The following BLZF1 variants were observed in gnomAD, a reference collection of about 807,000 sequenced individuals.
BLZF1 encodes the protein golgin-45.
Under a neutral mutation model 43.8 loss-of-function variants are expected in BLZF1, and 39 were observed. The ratio of observed to expected loss-of-function variants is 0.89; its 90% CI spans 0.69 to 1.16. The LOEUF is 1.16. BLZF1 is among the 50% of genes most tolerant of loss of function. The probability of loss-of-function intolerance (pLI) is 0.00; values close to 1 mark genes in which losing one functional copy is unlikely to be tolerated. For synonymous variants in BLZF1, 136 were observed against 159.4 expected, an observed-to-expected ratio of 0.85 and a Z score of 1.11; for missense variants, 449 against 469.8, an observed-to-expected ratio of 0.96 and a Z score of 0.41.
chr1:169,383,543 C>T (rs1654585250), intron 6 of BLZF1, among the ~76,000 whole-genome samples: 1 of 152,182 alleles, frequency 6.6e-6, no homozygotes, highest in African/African-American at 2.4e-5. Flanking sequence ...TTCCTCAATT[C>T]CTACCGTCAC....
chr1:169,386,782 AT>A (rs35976841), intron 6 of BLZF1, among the ~76,000 whole-genome samples: 4,905 of 152,240 alleles, frequency 0.032, 141 homozygotes, highest in Non-Finnish European at 0.048. Context: ...ATTTAAAAAA[AT>A]ATGTAACCTA....
intron 4 of BLZF1, among the ~76,000 whole-genome samples, chr1:169,379,507 T>C (rs1176583027): frequency 3.3e-5 from 5 of 152,016 alleles, no homozygotes; most frequent in Admixed American, 2.0e-4. Context: ...GAATATATTG[T>C]ACAAATTTTT....
At chr1:169,392,152 T>C (rs1018469881), downstream of BLZF1, among the ~76,000 whole-genome samples, 1 of 151,954 alleles carries the variant, frequency 6.6e-6, no homozygotes, top group Non-Finnish European at 1.5e-5. Flanking sequence ...GACTGTATTA[T>C]TAAGATGGCA....
chr1:169,393,248 G>A (rs1203665511), downstream of BLZF1, among the ~76,000 whole-genome samples: 1 of 151,316 alleles, frequency 6.6e-6, no homozygotes, highest in Non-Finnish European at 1.5e-5. Context: ...GAAAAAGTTT[G>A]TTTTTTCTTA....
intron 4 of BLZF1, 123 bp from the exon 5 acceptor site, chr1:169,380,358 G>A: frequency 2.5e-6 from 2 of 806,664 alleles, no homozygotes; most frequent in Non-Finnish European, 3.5e-6. Context: ...TAAAAACTGT[G>A]AAGTAACTAT....
chr1:169,395,694 A>G (rs1403053784), intron 7 of BLZF1, among the ~76,000 whole-genome samples: 1 of 152,238 alleles, frequency 6.6e-6, no homozygotes, highest in Non-Finnish European at 1.5e-5. Context: ...AAAGTAAGCC[A>G]AACATGAAAA....
chr1:169,380,235 A>T (rs1443418812), intron 4 of BLZF1, among the ~76,000 whole-genome samples: 1 of 152,014 alleles, frequency 6.6e-6, no homozygotes, highest in African/African-American at 2.4e-5. Context: ...AAGTCATTAT[A>T]TAGGAAAGTT....
chr1:169,378,674 C>T (rs977754385), intron 4 of BLZF1, 145 bp downstream of exon 4: 19 of 691,944 alleles, frequency 2.7e-5, no homozygotes, highest in Non-Finnish European at 4.1e-5. Context: ...ACTCTCTCTC[C>T]TCTGGATAGT....
At chr1:169,373,329 G>A (rs1654186297) in intron 2 of BLZF1, among the ~76,000 whole-genome samples, 1 of 152,152 alleles carries the variant, frequency 6.6e-6, no homozygotes, top group African/African-American at 2.4e-5. Context: ...AATAAGGATT[G>A]GTGTTTTTCT....
rs1517748 is a variant in BLZF1 at position 169,368,615 on chromosome 1, G to C, written c.-51+273G>C. Among the ~76,000 whole-genome samples, 6 of 152,126 alleles carry C rather than the reference G, an allele frequency of 3.9e-5. No individual in the cohort carries two copies. In the South Asian group the frequency reaches 1.0e-3, roughly 26 times the overall value. Reference sequence around the variant, plus strand: ...GCATTTGCCAGCAGGCACTCGCTGTGCCTGTACGTTTCGCAGAGCAGCTAT... The same window carrying C: ...GCATTTGCCAGCAGGCACTCGCTGTCCCTGTACGTTTCGCAGAGCAGCTAT... On this transcript the variant is annotated intron_variant, in intron 1 of 6. Transcript: ENST00000367808.
chr1:169,383,763 A>G (rs1654592440), intron 6 of BLZF1, among the ~76,000 whole-genome samples: 1 of 151,946 alleles, frequency 6.6e-6, no homozygotes, highest in Admixed American at 6.6e-5. Context: ...GTTTCATAGG[A>G]ATCTGTGTTC....
chr1:169,388,907 G>C (rs1027160539), downstream of BLZF1, among the ~76,000 whole-genome samples: 1 of 152,014 alleles, frequency 6.6e-6, no homozygotes, highest in Non-Finnish European at 1.5e-5. Context: ...GGTCACCTGA[G>C]GTTAGGAGTT....
At chr1:169,395,177 A>G (rs921837909) in intron 7 of BLZF1, 1 of 1,611,844 alleles carries the variant, frequency 6.2e-7, no homozygotes, top group African/African-American at 1.3e-5. Flanking sequence ...TTGCTCTGCC[A>G]TTTTTTCCAT....
rs143882259 is a variant in BLZF1 at position 169,376,813 on chromosome 1, C to T, written c.302C>T (p.Ser101Phe). 7 of 1,613,246 alleles carry T rather than the reference C, an allele frequency of 4.3e-6. No individual in the cohort carries two copies. The highest frequency in any genetic ancestry group is 5.9e-6 in the Non-Finnish European group (7 of 1,179,574). The change falls in exon 3 of 7, where the codon TCT becomes TTT. Residue 101 changes from serine (S) to phenylalanine (F), a missense_variant. Ser to Phe is a radical substitution (Grantham distance 155, BLOSUM62 -2). Coordinates refer to ENST00000367808, the MANE Select transcript of BLZF1 (RefSeq NM_001320973.2). ...CCCAACAAAAATACAAAGGTTAAGT[C>T]TCTGGGACATCATAAAGGAGAATTC... is the stretch of plus-strand genomic sequence containing the variant. Reference protein sequence around the residue: ...DIPNKNTKVKSLGHHKGEFLG... With the variant: ...DIPNKNTKVKFLGHHKGEFLG...
intron 2 of BLZF1, among the ~76,000 whole-genome samples, chr1:169,373,938 G>A (rs983172450): frequency 4.6e-5 from 7 of 152,022 alleles, no homozygotes; most frequent in Admixed American, 6.6e-5. Flanking sequence ...GCTGTAGTGC[G>A]TGTTTTTATT....
At chr1:169,383,810 T>G (rs902110133) in intron 6 of BLZF1, among the ~76,000 whole-genome samples, 2 of 152,188 alleles carry the variant, frequency 1.3e-5, no homozygotes, top group African/African-American at 4.8e-5. Context: ...AACACCATAC[T>G]CTTGAAACGA....
chr1:169,395,303 C>T (rs1654953487), intron 7 of BLZF1: 1 of 1,087,874 alleles, frequency 9.2e-7, no homozygotes, highest in Non-Finnish European at 1.2e-6. Context: ...ATGGACATTT[C>T]TTTACAATGA....
intron 7 of BLZF1, chr1:169,395,119 ACG>A: frequency 6.2e-7 from 1 of 1,613,688 alleles, no homozygotes; most frequent in Admixed American, 1.7e-5. Flanking sequence ...ACTGTTTAGA[ACG>A]CTTAGCTTCT....
intron 6 of BLZF1, 42 bp downstream of exon 6, chr1:169,382,323 G>T: frequency 6.5e-7 from 1 of 1,535,370 alleles, no homozygotes; most frequent in Non-Finnish European, 8.9e-7. Flanking sequence ...TTCTAACACT[G>T]TCCTTTTACT....
Sources: gnomAD v4.1 joint callset for allele counts (sites outside exome capture counted in the v4.1 genomes callset) on GRCh38, gnomAD v4.1.1 for gene constraint, MANE v1.5 for transcripts, NCBI Gene and HGNC (gene_info 2026-07-23, HGNC 2026-07-21) for gene names.